Variants in KNTC1 observed in about 807,000 individuals in gnomAD.
KNTC1 encodes kinetochore-associated protein 1.
A neutral mutation model predicts 314.4 loss-of-function variants in KNTC1; 253 were observed. The observed-to-expected ratio is 0.80, with a 90% CI of 0.73 to 0.89. KNTC1 has a LOEUF of 0.89. KNTC1 is among the 40% of genes least tolerant of loss of function. KNTC1 has a pLI of 0.00. For synonymous variants in KNTC1, 901 were observed against 901.4 expected, an observed-to-expected ratio of 1.00 and a Z score of 0.01; for missense variants, 2,475 against 2,572.9, an observed-to-expected ratio of 0.96 and a Z score of 0.82.
chr12:122,581,332 T>C (rs1186338192), intron 33 of KNTC1, among the ~76,000 whole-genome samples: 1 of 151,246 alleles, frequency 6.6e-6, no homozygotes, highest in East Asian at 2.0e-4. Flanking sequence ...CCCAAGTAGC[T>C]GGGATTATAG....
intron 44 of KNTC1, among the ~76,000 whole-genome samples, chr12:122,599,167 A>G (rs1369146243): frequency 6.6e-6 from 1 of 151,748 alleles, no homozygotes; most frequent in East Asian, 1.9e-4. Context: ...GGGTCTCACT[A>G]TATTGCCCAG....
At chr12:122,587,918 A>G in intron 39 of KNTC1, 44 bp downstream of exon 39, 1 of 1,540,950 alleles carries the variant, frequency 6.5e-7, no homozygotes, top group Non-Finnish European at 8.8e-7. Flanking sequence ...GTGAATATAG[A>G]TGTAAAAGCG....
intron 20 of KNTC1, among the ~76,000 whole-genome samples, chr12:122,566,260 T>C (rs78426005): frequency 6.6e-5 from 10 of 151,414 alleles, no homozygotes; most frequent in Non-Finnish European, 2.9e-5. Flanking sequence ...TTTTTTTTTT[T>C]CAATGAGACA....
At position 122,571,014 on chromosome 12, in the gene KNTC1, C is replaced by G. The variant is rs774524399; in HGVS notation, c.1918-11C>G. 2 of 1,611,458 alleles carry G rather than the reference C, an allele frequency of 1.2e-6. No homozygotes were observed. Among genetic ancestry groups the G allele is most frequent in the African/African-American group, 1.3e-5 (1 of 74,866 alleles). ...AACATTGTTTTGAACTGTCTGTAAT[C>G]TTTTTTAAAGGCAAATTGGCCAGAA... is the stretch of plus-strand genomic sequence containing the variant. On this transcript the variant is annotated splice_polypyrimidine_tract_variant and intron_variant, in intron 23 of 63. Coordinates refer to ENST00000333479, the MANE Select transcript of KNTC1 (RefSeq NM_014708.6).
Position 122,590,590 on chromosome 12 carries a change from C to G in KNTC1, c.4000-17C>G, listed in dbSNP as rs768949952. Reference sequence around the variant, plus strand: ...GATTGTGAAGAATTTGCTTCTTTTGCTGGTTTCTTCCTGTAGGTATTTAAT... The same window carrying G: ...GATTGTGAAGAATTTGCTTCTTTTGGTGGTTTCTTCCTGTAGGTATTTAAT... On this transcript the variant is annotated splice_polypyrimidine_tract_variant and intron_variant, in intron 40 of 63. Transcript: ENST00000333479. 1 of 1,579,496 alleles carries G rather than the reference C, an allele frequency of 6.3e-7. No homozygotes were observed. The highest frequency in any genetic ancestry group is 8.6e-7 in the Non-Finnish European group (1 of 1,161,234).
At position 122,571,113 on chromosome 12, in the gene KNTC1, A is replaced by C; in HGVS notation, c.2006A>C (p.His669Pro). The C allele has an allele frequency of 6.2e-7, 1 of 1,612,346 alleles. No homozygotes were observed. Among genetic ancestry groups the C allele is most frequent in the Non-Finnish European group, 8.5e-7 (1 of 1,178,502 alleles). The part of the protein sequence containing the change: ...TDELGLASSW[H>P]WISLKDYQNT... ...GAGTTGGGATTGGCATCTTCCTGGCATTGGATTTCCTTGGTATGATGTGAG... is the reference window on the plus strand; with the variant it reads ...GAGTTGGGATTGGCATCTTCCTGGCCTTGGATTTCCTTGGTATGATGTGAG... The change falls in exon 24 of 64, where the codon CAT becomes CCT. Residue 669 changes from histidine to proline, a missense_variant. His to Pro is a moderately conservative substitution (Grantham distance 77). Coordinates refer to ENST00000333479, the MANE Select transcript of KNTC1 (RefSeq NM_014708.6).
rs777371174 is a variant in KNTC1 at position 122,610,810 on chromosome 12, T to A, written c.5544-12T>A. The A allele has an allele frequency of 3.1e-5, 49 of 1,579,798 alleles. No homozygotes were observed. In the South Asian group the frequency reaches 3.6e-4, roughly 12 times the overall value. ...AATTAAAAAATGACTGTAATTAAAA[T>A]TTTTTTTCCAGAGTGCAGTATCTCC... On this transcript the variant is annotated splice_polypyrimidine_tract_variant and intron_variant, in intron 52 of 63. Coordinates refer to ENST00000333479, the MANE Select transcript of KNTC1 (RefSeq NM_014708.6).
At chr12:122,583,767 A>G (rs954330013) in intron 34 of KNTC1, among the ~76,000 whole-genome samples, 1 of 152,106 alleles carries the variant, frequency 6.6e-6, no homozygotes, top group African/African-American at 2.4e-5. Flanking sequence ...TGGAGGTTGC[A>G]GTGAGCCCAG....
chr12:122,573,761 A>G (rs1246404774), intron 26 of KNTC1, among the ~76,000 whole-genome samples: 1 of 152,218 alleles, frequency 6.6e-6, no homozygotes, highest in Non-Finnish European at 1.5e-5. Flanking sequence ...ACAAAACATT[A>G]AAATTCTTTT....
chr12:122,591,469 A>C lies in KNTC1; in HGVS notation c.4245+16A>C. 1 of 1,213,842 alleles carries C rather than the reference A, an allele frequency of 8.2e-7. No individual in the cohort carries two copies. Among genetic ancestry groups the C allele is most frequent in the Non-Finnish European group, 1.2e-6 (1 of 823,186 alleles). 75.2% of individuals were successfully genotyped at this position (1,213,842 alleles called of 1,614,324 possible). ...TAAACTTGGTGTGAGTATTCTTTGT[A>C]CTGCTGTCATCGATTCTGTTAATTA... On this transcript the variant is annotated intron_variant, in intron 42 of 63. Transcript: ENST00000333479.
At position 122,618,492 on chromosome 12, in the gene KNTC1, TTTAAGTCCTGA is replaced by T. The variant is rs1391273369; in HGVS notation, c.6098_6108del (p.Leu2033SerfsTer7). 1 of 1,611,394 alleles carries T rather than the reference TTTAAGTCCTGA, an allele frequency of 6.2e-7. No individual in the cohort carries two copies. The highest frequency in any genetic ancestry group is 8.5e-7 in the Non-Finnish European group (1 of 1,178,804). ...TTGTTTTGTTTTCAGCCTCTTGTCC[TTTAAGTCCTGA>T]TCAGCTGTCAGATTGTTCTGAGAGT... On this transcript the variant is annotated frameshift_variant, in exon 59 of 64. Transcript: ENST00000333479. LOFTEE classifies it high-confidence loss of function.
intron 55 of KNTC1, among the ~76,000 whole-genome samples, chr12:122,614,431 G>GT (rs1555240233): frequency 6.6e-6 from 1 of 152,124 alleles, no homozygotes; most frequent in Non-Finnish European, 1.5e-5. Flanking sequence ...GGGCAGGAAG[G>GT]TTTTTTGGTC....
At chr12:122,562,729 GC>G (rs772662388) in intron 20 of KNTC1, 30 bp downstream of exon 20, 2 of 1,392,634 alleles carry the variant, frequency 1.4e-6, no homozygotes, top group East Asian at 2.3e-5. Flanking sequence ...AACTTTTTAG[GC>G]CAGGCATGGT....
At chr12:122,542,161 G>A (rs1962392247) in intron 6 of KNTC1, 34 bp downstream of exon 6, 3 of 1,316,362 alleles carry the variant, frequency 2.3e-6, no homozygotes, top group African/African-American at 1.5e-5. Flanking sequence ...TTATTGATTT[G>A]CAGCAATATT....
intron 59 of KNTC1, among the ~76,000 whole-genome samples, chr12:122,619,873 A>G (rs1165942920): frequency 1.3e-5 from 2 of 152,006 alleles, no homozygotes; most frequent in East Asian, 3.9e-4. Context: ...TGTCGCATAT[A>G]TTTTGAGTCT....
At position 122,547,498 on chromosome 12, in the gene KNTC1, T is replaced by C. The variant is rs765843399; in HGVS notation, c.900T>C (p.Thr300=). 1.2e-6 allele frequency: 2 copies of C among 1,611,248 alleles called. No individual in the cohort carries two copies. Among genetic ancestry groups the C allele is most frequent in the East Asian group, 4.5e-5 (2 of 44,856 alleles). The part of the protein sequence containing the change: ...PSLHVEEFLL[T]TEADSPSSVT... ...TTCACGTAGAAGAGTTTCTTCTTACTACAGAAGCAGACTCTCCTTCATCAG... is the reference window on the plus strand; with the variant it reads ...TTCACGTAGAAGAGTTTCTTCTTACCACAGAAGCAGACTCTCCTTCATCAG... Residue 300 remains threonine (T), a synonymous_variant, in exon 11 of 64, where the codon ACT becomes ACC. Transcript: ENST00000333479.
At chr12:122,613,311 A>G in intron 54 of KNTC1, 81 bp downstream of exon 54, 1 of 921,166 alleles carries the variant, frequency 1.1e-6, no homozygotes. Context: ...CCCTGAATTC[A>G]GAAGAGCATA....
intron 18 of KNTC1, among the ~76,000 whole-genome samples, chr12:122,560,341 T>C (rs1963892125): frequency 1.3e-5 from 2 of 152,276 alleles, no homozygotes; most frequent in South Asian, 4.1e-4. Flanking sequence ...TTTGAGCATA[T>C]ACCCAGAAGT....
chr12:122,582,784 A>C lies in KNTC1; in HGVS notation c.3062A>C (p.Lys1021Thr). ...LVADLREQHI[K>T]AHEVAQAKHK... ...GCAGATCTCCGTGAGCAGCACATTAAAGCTCACGAAGTTGCACAGGCGAAA... is the reference window on the plus strand; with the variant it reads ...GCAGATCTCCGTGAGCAGCACATTACAGCTCACGAAGTTGCACAGGCGAAA... Residue 1021 changes from lysine to threonine, a missense_variant, in exon 34 of 64, where the codon AAA (lysine) becomes ACA (threonine). Coordinates refer to ENST00000333479, the MANE Select transcript of KNTC1 (RefSeq NM_014708.6). The C allele has an allele frequency of 6.2e-7, 1 of 1,612,816 alleles. No homozygotes were observed. The highest frequency in any genetic ancestry group is 8.5e-7 in the Non-Finnish European group (1 of 1,179,488).
Sources: gnomAD v4.1 joint callset for allele counts (sites outside exome capture counted in the v4.1 genomes callset) on GRCh38, gnomAD v4.1.1 for gene constraint, MANE v1.5 for transcripts, NCBI Gene and HGNC (gene_info 2026-07-23, HGNC 2026-07-21) for gene names.